SLC13A3: variants seen among roughly 807,000 people sequenced by gnomAD.
The protein encoded by SLC13A3 is Na(+)/dicarboxylate cotransporter 3.
A neutral mutation model predicts 59.0 loss-of-function variants in SLC13A3; 40 were observed. That is an observed-to-expected ratio of 0.68 (90% CI 0.53 to 0.88). SLC13A3 has a LOEUF of 0.88. Among genes scored for constraint, SLC13A3 ranks in the 40% least tolerant of loss-of-function variants. The pLI, the probability that SLC13A3 is intolerant of heterozygous loss-of-function variation, is 0.00. For missense variants in SLC13A3, 699 were observed against 783.2 expected (o/e 0.89, Z 1.28); for synonymous variants, 317 against 330.3 (o/e 0.96, Z 0.44).
chr20:46,651,570 G>A, upstream of SLC13A3: 1 of 1,305,086 alleles, frequency 7.7e-7, no homozygotes, highest in Non-Finnish European at 9.7e-7. Flanking sequence ...GGTGGTGCCT[G>A]CGCCCCTGGG....
chr20:46,632,910 T>TAG (rs1314009715), intron 1 of SLC13A3, among the ~76,000 whole-genome samples: 15,364 of 71,522 alleles, frequency 0.21, 2,537 homozygotes, highest in East Asian at 0.24. Context: ...GATAGATAGA[T>TAG]ATATCTATCT....
intron 1 of SLC13A3, among the ~76,000 whole-genome samples, chr20:46,650,345 C>T (rs908952147): frequency 1.3e-5 from 2 of 152,214 alleles, no homozygotes; most frequent in East Asian, 1.9e-4. Flanking sequence ...GTCACTTTCT[C>T]TCCCCGAGCC....
intron 4 of SLC13A3, among the ~76,000 whole-genome samples, chr20:46,598,369 G>A (rs992407392): frequency 6.6e-6 from 1 of 152,172 alleles, no homozygotes. Flanking sequence ...TAACCATCCT[G>A]AGTATCGAAA....
chr20:46,610,070 T>A (rs2062478787), intron 3 of SLC13A3, among the ~76,000 whole-genome samples: 1 of 152,236 alleles, frequency 6.6e-6, no homozygotes. Flanking sequence ...GTCTCATTGA[T>A]TAAAATGTTA....
At chr20:46,603,675 A>G (rs1401263131) in intron 3 of SLC13A3, among the ~76,000 whole-genome samples, 3 of 151,918 alleles carry the variant, frequency 2.0e-5, no homozygotes, top group African/African-American at 4.8e-5. Flanking sequence ...GAAGTGAACT[A>G]CCACGCCTGG....
chr20:46,660,954 T>G (rs1600626276), intron 1 of SLC13A3, among the ~76,000 whole-genome samples: 1 of 152,200 alleles, frequency 6.6e-6, no homozygotes, highest in East Asian at 1.9e-4. Flanking sequence ...GTATTTTTCA[T>G]CTCTATAATT....
intron 1 of SLC13A3, among the ~76,000 whole-genome samples, chr20:46,645,643 T>C (rs1462035283): frequency 6.6e-6 from 1 of 152,188 alleles, no homozygotes; most frequent in Non-Finnish European, 1.5e-5. Context: ...CAAAACAAAG[T>C]CTCAGTTTGG....
intron 10 of SLC13A3, among the ~76,000 whole-genome samples, chr20:46,568,398 T>G (rs1600496630): frequency 1.6e-5 from 1 of 62,678 alleles, no homozygotes; most frequent in Admixed American, 2.7e-4. Flanking sequence ...CGAGACTCCA[T>G]CTCAAAAAAA....
intron 1 of SLC13A3, among the ~76,000 whole-genome samples, chr20:46,622,613 GGTGTGTGCGTGT>G (rs1324001827): frequency 1.1e-3 from 122 of 112,156 alleles, no homozygotes; most frequent in Non-Finnish European, 1.7e-3. Context: ...ATTGGTGTGT[GGTGTGTGCGTGT>G]GTGTGTGTGT....
intron 10 of SLC13A3, among the ~76,000 whole-genome samples, chr20:46,572,791 G>A (rs2062041628): frequency 6.6e-6 from 1 of 152,192 alleles, no homozygotes; most frequent in South Asian, 2.1e-4. Context: ...GGAAACTGAG[G>A]CCCAGAGAGG....
At chr20:46,645,257 C>T (rs1454379956) in intron 1 of SLC13A3, among the ~76,000 whole-genome samples, 1 of 152,204 alleles carries the variant, frequency 6.6e-6, no homozygotes, top group Admixed American at 6.5e-5. Context: ...GGATACTGCA[C>T]AATAATCTCC....
chr20:46,646,789 A>G (rs2062898615), intron 1 of SLC13A3, among the ~76,000 whole-genome samples: 1 of 152,254 alleles, frequency 6.6e-6, no homozygotes, highest in African/African-American at 2.4e-5. Flanking sequence ...CTGTGGCCAG[A>G]AAATAACTGG....
intron 8 of SLC13A3, 191 bp from the exon 9 acceptor site, chr20:46,583,860 TG>T (rs908278847): frequency 1.0e-6 from 1 of 985,290 alleles, no homozygotes; most frequent in African/African-American, 1.7e-5. Flanking sequence ...CACAGCTCCC[TG>T]GGGGCATTTA....
At chr20:46,635,498 T>C (rs1036627070) in intron 1 of SLC13A3, among the ~76,000 whole-genome samples, 1 of 152,224 alleles carries the variant, frequency 6.6e-6, no homozygotes, top group Non-Finnish European at 1.5e-5. Context: ...TGTCACCTCC[T>C]TTTGGTATGT....
intron 8 of SLC13A3, among the ~76,000 whole-genome samples, chr20:46,584,866 A>G (rs1463794977): frequency 6.6e-6 from 1 of 150,624 alleles, no homozygotes; most frequent in Non-Finnish European, 1.5e-5. Context: ...AAATTGGAAG[A>G]TTTTTGATAG....
intron 1 of SLC13A3, among the ~76,000 whole-genome samples, chr20:46,639,298 C>A (rs2062824333): frequency 6.6e-6 from 1 of 151,956 alleles, no homozygotes; most frequent in South Asian, 2.1e-4. Context: ...CCCGTTTCTA[C>A]TAAAAATACA....
At chr20:46,584,800 G>T (rs73908934) in intron 8 of SLC13A3, among the ~76,000 whole-genome samples, 1 of 152,020 alleles carries the variant, frequency 6.6e-6, no homozygotes, top group Non-Finnish European at 1.5e-5. Flanking sequence ...AGAAACAGTC[G>T]TACTTTTGTA....
intron 1 of SLC13A3, among the ~76,000 whole-genome samples, chr20:46,624,612 C>T (rs576312774): frequency 6.6e-6 from 1 of 152,276 alleles, no homozygotes; most frequent in African/African-American, 2.4e-5. Context: ...GGATGGATAG[C>T]AGCAAAATTG....
At chr20:46,575,459 C>T in intron 10 of SLC13A3, 114 bp downstream of exon 10, 3 of 533,332 alleles carry the variant, frequency 5.6e-6, no homozygotes, top group Non-Finnish European at 6.6e-6. Context: ...CTGGCTGTGC[C>T]CCCAGGGCCC....
Sources: allele counts gnomAD v4.1 joint callset (sites outside exome capture counted in the v4.1 genomes callset), GRCh38; gene constraint gnomAD v4.1.1; transcripts MANE v1.5; gene names NCBI Gene and HGNC (gene_info 2026-07-23, HGNC 2026-07-21).